Variants in SCG3 observed in about 807,000 individuals in gnomAD.
SCG3 encodes secretogranin-3.
In SCG3, 38 loss-of-function variants were observed where a neutral mutation model predicts 56.2. The ratio of observed to expected loss-of-function variants is 0.68; its 90% CI spans 0.52 to 0.89. SCG3 has a LOEUF of 0.89. Among genes scored for constraint, SCG3 ranks in the 40% least tolerant of loss-of-function variants. The pLI, the probability that SCG3 is intolerant of heterozygous loss-of-function variation, is 0.00. For synonymous variants in SCG3, 176 were observed against 184.2 expected (o/e 0.96, Z 0.36); for missense variants, 524 against 540.7 (o/e 0.97, Z 0.31).
At chr15:51,702,207 A>G (rs993857879) in intron 10 of SCG3, among the ~76,000 whole-genome samples, 3 of 152,244 alleles carry the variant, frequency 2.0e-5, no homozygotes, top group Admixed American at 2.0e-4. Flanking sequence ...CTTAAATAGC[A>G]TAAATATATC....
intron 7 of SCG3, among the ~76,000 whole-genome samples, chr15:51,694,683 G>T (rs1187510825): frequency 6.6e-6 from 1 of 151,956 alleles, no homozygotes; most frequent in Non-Finnish European, 1.5e-5. Context: ...AGCTATTATG[G>T]CATCATTATC....
Position 51,719,501 on chromosome 15 carries a change from T to C in SCG3, c.1382T>C (p.Ile461Thr), listed in dbSNP as rs1290634009. ...CTTGACAAGGAAGAAGCCGAGGCCA[T>C]CAAGCGCATTTATAGCAGCCTGTAA... ...GILDKEEAEA[I>T]KRIYSSL Residue 461 changes from isoleucine (I) to threonine (T), a missense_variant, in exon 12 of 12, where the codon ATC (isoleucine) becomes ACC (threonine). Physicochemically the swap from Ile to Thr is moderately conservative, Grantham distance 89. Coordinates refer to ENST00000220478, the MANE Select transcript of SCG3 (RefSeq NM_013243.4). 2 of 1,613,950 alleles carry C rather than the reference T, an allele frequency of 1.2e-6. No homozygotes were observed. The highest frequency in any genetic ancestry group is 8.5e-7 in the Non-Finnish European group (1 of 1,179,846).
rs1173289934 is a variant in SCG3, at chr15:51,695,778, CCAAA to C, written c.869-84_869-81del. 317 of 722,228 alleles carry C rather than the reference CCAAA, an allele frequency of 4.4e-4. No homozygotes were observed. In the African/African-American group the frequency reaches 4.5e-3, roughly 10 times the overall value. 44.7% of individuals were successfully genotyped at this position (722,228 alleles called of 1,614,324 possible). On this transcript the variant is annotated intron_variant, in intron 7 of 11. Coordinates refer to ENST00000220478, the MANE Select transcript of SCG3 (RefSeq NM_013243.4). ...CTCGTCTTTGAAAAAAAAAAAAAAC[CCAAA>C]CAAACAAACAAAAAGATGCTGTACT...
At chr15:51,693,086 CT>C (rs1466997471) in intron 7 of SCG3, 5 of 152,152 alleles carry the variant, frequency 3.3e-5, no homozygotes, top group Non-Finnish European at 7.3e-5. Flanking sequence ...CTACTCTCTT[CT>C]TCGATGAGTT....
Position 51,719,786 on chromosome 15 carries a change from T to C in SCG3, c.*260T>C, listed in dbSNP as rs1316874277. The C allele has an allele frequency of 1.4e-5, 6 of 419,472 alleles. No homozygotes were observed. Among genetic ancestry groups the C allele is most frequent in the African/African-American group, 1.2e-4 (6 of 49,058 alleles). 26.0% of individuals were successfully genotyped at this position (419,472 alleles called of 1,614,324 possible). On this transcript the variant is annotated 3_prime_UTR_variant, in exon 12 of 12. Coordinates refer to ENST00000220478, the MANE Select transcript of SCG3 (RefSeq NM_013243.4). Reference sequence around the variant, plus strand: ...AGACTTATATTTTATAATCAGAATATGTTGCTTTGAAAAAGCCTCTAATGG... The same window carrying C: ...AGACTTATATTTTATAATCAGAATACGTTGCTTTGAAAAAGCCTCTAATGG...
intron 7 of SCG3, chr15:51,693,313 G>A (rs1395542607): frequency 6.6e-6 from 1 of 152,158 alleles, no homozygotes; most frequent in Non-Finnish European, 1.5e-5. Flanking sequence ...TTATTCAAGA[G>A]ATCTTTATGA....
At chr15:51,691,735 T>C (rs1489682402) in intron 6 of SCG3, among the ~76,000 whole-genome samples, 2 of 152,208 alleles carry the variant, frequency 1.3e-5, no homozygotes, top group East Asian at 3.8e-4. Flanking sequence ...GTGTGACTGC[T>C]CTGCTAGGGA....
chr15:51,681,641 G>A lies in SCG3; in HGVS notation c.-115G>A, dbSNP rs1339280001. 8 of 405,202 alleles carry A rather than the reference G, an allele frequency of 2.0e-5. No homozygotes were observed. Among genetic ancestry groups the A allele is most frequent in the African/African-American group, 1.5e-4 (7 of 47,466 alleles). 25.1% of individuals were successfully genotyped at this position (405,202 alleles called of 1,614,324 possible). Reference sequence around the variant, plus strand: ...GCCGCCCAGTCCCGGCCCCTCTCCCGCCCCACACCCACCCTCCTGGCTCTT... The same window carrying A: ...GCCGCCCAGTCCCGGCCCCTCTCCCACCCCACACCCACCCTCCTGGCTCTT... On this transcript the variant is annotated 5_prime_UTR_variant, in exon 1 of 12. Transcript: ENST00000220478.
intron 11 of SCG3, among the ~76,000 whole-genome samples, chr15:51,718,311 G>A (rs1395177253): frequency 6.6e-6 from 1 of 152,086 alleles, no homozygotes; most frequent in Non-Finnish European, 1.5e-5. Context: ...TCCAGTGCTG[G>A]GATTTCCCTT....
chr15:51,700,739 A>G (rs941877525), intron 9 of SCG3, among the ~76,000 whole-genome samples: 18 of 151,802 alleles, frequency 1.2e-4, no homozygotes, highest in Admixed American at 1.1e-3. Flanking sequence ...AACATGACAT[A>G]TCCTGGCTTG....
Position 51,713,318 on chromosome 15 carries a change from T to C in SCG3, c.1208-15T>C, listed in dbSNP as rs961280213. On this transcript the variant is annotated splice_polypyrimidine_tract_variant and intron_variant, in intron 10 of 11. Transcript: ENST00000220478. ...ATTTCCTGAGTGTTTGATATAGTTC[T>C]CTTACCTCTTCCAGGAAAAACAGAA... 25 of 1,553,056 alleles carry C rather than the reference T, an allele frequency of 1.6e-5. No homozygotes were observed. The highest frequency in any genetic ancestry group is 2.1e-5 in the Non-Finnish European group (24 of 1,133,226).
At chr15:51,701,510 C>T (rs2055339433) in intron 10 of SCG3, among the ~76,000 whole-genome samples, 1 of 152,094 alleles carries the variant, frequency 6.6e-6, no homozygotes. Context: ...ATATGTATGA[C>T]CATTAGTGCA....
intron 7 of SCG3, 129 bp from the exon 8 acceptor site, chr15:51,695,746 G>A (rs1206946939): frequency 3.3e-6 from 2 of 615,044 alleles, no homozygotes; most frequent in Non-Finnish European, 5.7e-6. Context: ...GGGCCACACA[G>A]TGAGACCTCG....
intron 7 of SCG3, 57 bp downstream of exon 7, chr15:51,692,393 A>G (rs2141564108): frequency 6.8e-7 from 1 of 1,466,498 alleles, no homozygotes; most frequent in Non-Finnish European, 9.4e-7. Context: ...CAGGAAATGT[A>G]TGGGTGTGTT....
intron 7 of SCG3, among the ~76,000 whole-genome samples, chr15:51,695,205 A>C (rs1027005368): frequency 6.6e-6 from 1 of 152,216 alleles, no homozygotes; most frequent in Non-Finnish European, 1.5e-5. Context: ...ATTAAAAGTA[A>C]CATCTTGTTC....
In SCG3 at chr15:51,717,460, G is replaced by T. The variant is rs2055465104; in HGVS notation, c.1289-1948G>T. Among the ~76,000 whole-genome samples the T allele has an allele frequency of 1.3e-5, 2 of 150,932 alleles. 1 individual carries two copies. Among genetic ancestry groups the T allele is most frequent in the South Asian group, 4.2e-4 (2 of 4,792 alleles). On this transcript the variant is annotated intron_variant, in intron 11 of 11. Coordinates refer to ENST00000220478, the MANE Select transcript of SCG3 (RefSeq NM_013243.4). ...GAAGCAGGAGGATCACTTGAGCCCA[G>T]AAGTCCAAGGCTACAGTGAGCCATG...
chr15:51,707,991 C>T (rs572571169), intron 10 of SCG3: 1 of 152,260 alleles, frequency 6.6e-6, no homozygotes, highest in South Asian at 2.1e-4. Context: ...GTCAGGACAG[C>T]ATAGTAGAGG....
At chr15:51,701,313 G>A in intron 10 of SCG3, 69 bp downstream of exon 10, 1 of 1,468,648 alleles carries the variant, frequency 6.8e-7, no homozygotes, top group Non-Finnish European at 9.1e-7. Flanking sequence ...CACAAGGGAG[G>A]GTGATCCAAA....
In SCG3 at chr15:51,692,239, T is replaced by C. The variant is rs924007401; in HGVS notation, c.771T>C (p.Asn257=). ...TATCTAACACATTAACCTTGACAAA[T>C]GGCTTGGAAAGGAGAACTAAAACCT... ...ETVSNTLTLT[N]GLERRTKTYS... The change falls in exon 7 of 12, where the codon AAT becomes AAC. Residue 257 remains asparagine, a synonymous_variant. Coordinates refer to ENST00000220478, the MANE Select transcript of SCG3 (RefSeq NM_013243.4). 8.1e-6 allele frequency: 13 copies of C among 1,613,922 alleles called. No individual in the cohort carries two copies. The African/African-American group carries it at 9.3e-5, about 12-fold the overall frequency.
Sources: allele counts gnomAD v4.1 joint callset (sites outside exome capture counted in the v4.1 genomes callset), GRCh38; gene constraint gnomAD v4.1.1; transcripts MANE v1.5; gene names NCBI Gene and HGNC (gene_info 2026-07-23, HGNC 2026-07-21).